Variants in MAGI2 observed in about 807,000 individuals in gnomAD.
MAGI2 encodes the protein membrane-associated guanylate kinase, WW and PDZ domain-containing protein 2.
In MAGI2, 35 loss-of-function variants were observed where a neutral mutation model predicts 133.3. The ratio of observed to expected loss-of-function variants is 0.26; its 90% CI spans 0.20 to 0.35. MAGI2 has a LOEUF of 0.35. Among genes scored for constraint, MAGI2 ranks in the 10% least tolerant of loss-of-function variants. The pLI is 1.00. For synonymous variants in MAGI2, 729 were observed against 710.6 expected (o/e 1.03, Z -0.41); for missense variants, 1,636 against 1,863.4 (o/e 0.88, Z 2.25).
At chr7:79,144,684 A>T (rs1249721543) in intron 1 of MAGI2, among the ~76,000 whole-genome samples, 1 of 152,194 alleles carries the variant, frequency 6.6e-6, no homozygotes, top group East Asian at 1.9e-4. Flanking sequence ...ACTACCTAAG[A>T]AGCAGGTGAC....
In MAGI2 at chr7:79,353,308, G is replaced by A. The variant is rs192879662; in HGVS notation, c.301+99712C>T. 3.0e-3 allele frequency: 1,130 copies of A among 372,066 alleles called. 9 individuals are homozygous for A. Among genetic ancestry groups the A allele is most frequent in the African/African-American group, 0.022 (1,033 of 47,572 alleles). The allele number at this position is 372,066 out of a possible 1,614,324, so 23.0% of individuals were successfully genotyped here. On this transcript the variant is annotated intron_variant, in intron 1 of 21. Transcript: ENST00000354212. ...TTCCCAACACCCTGAACACATTCAC[G>A]ATGAATGAGAGGAGCTGACACTGTC...
chr7:78,256,538 G>A lies in MAGI2; in HGVS notation c.1452C>T (p.His484=). ...AAAGTTTGACAACATCTGCATGAGT[G>A]TGTCCAAGGACACAAACTTCATTAA... ...VYINEVCVLG[H]THADVVKLFQ... The change falls in exon 10 of 22, where the codon CAC becomes CAT. Residue 484 remains histidine, a synonymous_variant. Transcript: ENST00000354212. 6.2e-7 allele frequency: 1 copy of A among 1,613,790 alleles called. No homozygotes were observed. Among genetic ancestry groups the A allele is most frequent in the Non-Finnish European group, 8.5e-7 (1 of 1,179,872 alleles).
Position 78,922,796 on chromosome 7 carries a change from T to C in MAGI2, c.418+84294A>G, listed in dbSNP as rs558346347. Among the ~76,000 whole-genome samples the C allele has an allele frequency of 9.9e-4, 149 of 150,630 alleles. 3 individuals carry two copies. The South Asian group carries it at 0.031, about 31-fold the overall frequency. On this transcript the variant is annotated intron_variant, in intron 2 of 21. Coordinates refer to ENST00000354212, the MANE Select transcript of MAGI2 (RefSeq NM_012301.4). ...GACTTCCACAATGGTTGAACTAGTC[T>C]ACAGTCCCACCAACAGTGTAAAAGT...
intron 10 of MAGI2, among the ~76,000 whole-genome samples, chr7:78,206,290 C>CTTTTT (rs774941321): frequency 9.0e-6 from 1 of 111,248 alleles, no homozygotes; most frequent in African/African-American, 3.4e-5. Context: ...TTTCCTTTTC[C>CTTTTT]TTTCTTTTTT....
intron 16 of MAGI2, among the ~76,000 whole-genome samples, chr7:78,154,415 C>T (rs910949413): frequency 3.9e-5 from 6 of 152,192 alleles, no homozygotes; most frequent in South Asian, 2.1e-4. Context: ...ACCAGTGATG[C>T]ACTTGCGGAT....
At chr7:78,920,817 A>G (rs1799169128) in intron 2 of MAGI2, among the ~76,000 whole-genome samples, 1 of 152,152 alleles carries the variant, frequency 6.6e-6, no homozygotes, top group Admixed American at 6.5e-5. Context: ...ACCACACCTG[A>G]TCTACCACAA....
intron 9 of MAGI2, among the ~76,000 whole-genome samples, chr7:78,301,621 C>G (rs1005773964): frequency 1.3e-5 from 2 of 152,210 alleles, no homozygotes; most frequent in African/African-American, 2.4e-5. Flanking sequence ...TTTTGTCTGT[C>G]TCTTTGTTTC....
At chr7:78,952,643 A>AT (rs56801630) in intron 2 of MAGI2, among the ~76,000 whole-genome samples, 36,460 of 152,088 alleles carry the variant, frequency 0.24, 4,744 homozygotes, top group South Asian at 0.36. Flanking sequence ...TATGTCTTAT[A>AT]TGTAACTATG....
intron 1 of MAGI2, among the ~76,000 whole-genome samples, chr7:79,079,034 A>G (rs1815797955): frequency 6.6e-6 from 1 of 152,078 alleles, no homozygotes; most frequent in Non-Finnish European, 1.5e-5. Context: ...TTTTCTCCCT[A>G]CCCTAATTTT....
chr7:78,683,220 C>G (rs1400669743), intron 2 of MAGI2, among the ~76,000 whole-genome samples: 2 of 152,066 alleles, frequency 1.3e-5, no homozygotes, highest in Non-Finnish European at 2.9e-5. Flanking sequence ...ATTGTCTTAT[C>G]CATTGTAAGG....
intron 10 of MAGI2, chr7:78,251,446 C>T (rs1378803333): frequency 6.6e-6 from 1 of 152,078 alleles, no homozygotes; most frequent in Non-Finnish European, 1.5e-5. Flanking sequence ...GTCTTTATTA[C>T]CAGATGGTAT....
intron 1 of MAGI2, among the ~76,000 whole-genome samples, chr7:79,357,871 A>C (rs1482062534): frequency 6.6e-6 from 1 of 152,210 alleles, no homozygotes; most frequent in East Asian, 1.9e-4. Flanking sequence ...AACGTAACTA[A>C]GTATGAGCAT....
At chr7:78,301,682 T>G (rs1193731506) in intron 9 of MAGI2, among the ~76,000 whole-genome samples, 1 of 152,252 alleles carries the variant, frequency 6.6e-6, no homozygotes, top group Non-Finnish European at 1.5e-5. Context: ...TTTTTTTGTT[T>G]TGTCCTCTGA....
At position 79,355,648 on chromosome 7, in the gene MAGI2, C is replaced by T. The variant is rs73156099; in HGVS notation, c.301+97372G>A. 5.4e-3 allele frequency among the ~76,000 whole-genome samples: 821 copies of T among 152,264 alleles called. 3 individuals carry two copies. The highest frequency in any genetic ancestry group is 0.031 in the Middle Eastern group (9 of 294). ...TCACACAATGTGTTTGTCACTGCCACGACTTTTTGTTTTGTTTTGTTTTCC... is the reference window on the plus strand; with the variant it reads ...TCACACAATGTGTTTGTCACTGCCATGACTTTTTGTTTTGTTTTGTTTTCC... On this transcript the variant is annotated intron_variant, in intron 1 of 21. Transcript: ENST00000354212.
At chr7:78,526,039 G>T (rs993843194) in intron 3 of MAGI2, among the ~76,000 whole-genome samples, 2 of 152,192 alleles carry the variant, frequency 1.3e-5, no homozygotes, top group African/African-American at 2.4e-5. Flanking sequence ...AAGTCATTCT[G>T]CCTATGCAGT....
At chr7:78,706,683 G>C (rs765291780) in intron 2 of MAGI2, among the ~76,000 whole-genome samples, 2 of 151,944 alleles carry the variant, frequency 1.3e-5, no homozygotes, top group African/African-American at 4.8e-5. Flanking sequence ...TTAAATTATC[G>C]ACTCCTATAT....
intron 2 of MAGI2, among the ~76,000 whole-genome samples, chr7:78,712,714 G>A (rs1277750925): frequency 1.3e-5 from 2 of 152,100 alleles, no homozygotes; most frequent in Non-Finnish European, 2.9e-5. Flanking sequence ...AGAAATGATA[G>A]GTAATGACAT....
chr7:79,347,221 C>T (rs766172614), intron 1 of MAGI2, among the ~76,000 whole-genome samples: 29 of 151,896 alleles, frequency 1.9e-4, no homozygotes, highest in Admixed American at 4.6e-4. Flanking sequence ...GTCATGTCGA[C>T]GTCTTGCAGA....
chr7:78,663,619 T>C (rs906016228), intron 2 of MAGI2, among the ~76,000 whole-genome samples: 1 of 152,222 alleles, frequency 6.6e-6, no homozygotes, highest in African/African-American at 2.4e-5. Context: ...TGATACTTTA[T>C]TGAGGTTTCT....
Sources: gnomAD v4.1 joint callset for allele counts (sites outside exome capture counted in the v4.1 genomes callset) on GRCh38, gnomAD v4.1.1 for gene constraint, MANE v1.5 for transcripts, NCBI Gene and HGNC (gene_info 2026-07-23, HGNC 2026-07-21) for gene names.